The following NXN variants were observed in gnomAD, a reference collection of about 807,000 sequenced individuals.
NXN encodes the protein nucleoredoxin.
Under a neutral mutation model 48.6 loss-of-function variants are expected in NXN, and 16 were observed. The observed-to-expected ratio is 0.33, with a 90% CI of 0.22 to 0.50. NXN has a LOEUF of 0.50. NXN is among the 20% of genes least tolerant of loss of function. The pLI, the probability that NXN is intolerant of heterozygous loss-of-function variation, is 0.98. For synonymous variants in NXN, 281 were observed against 269.6 expected, an observed-to-expected ratio of 1.04 and a Z score of -0.41; for missense variants, 492 against 605.5, an observed-to-expected ratio of 0.81 and a Z score of 1.97.
At chr17:837,817 G>A (rs747714381) in intron 1 of NXN, among the ~76,000 whole-genome samples, 63 of 152,190 alleles carry the variant, frequency 4.1e-4, no homozygotes, top group African/African-American at 8.9e-4. Flanking sequence ...GATCCGAGCC[G>A]TCACCAACCT....
At chr17:971,929 G>C (rs1328292395) in intron 1 of NXN, among the ~76,000 whole-genome samples, 1 of 152,118 alleles carries the variant, frequency 6.6e-6, no homozygotes, top group African/African-American at 2.4e-5. Flanking sequence ...CACTTTGGAA[G>C]CCGAGGCGGG....
chr17:807,476 C>T (rs983330262), intron 5 of NXN, among the ~76,000 whole-genome samples: 4 of 152,204 alleles, frequency 2.6e-5, no homozygotes, highest in Non-Finnish European at 4.4e-5. Context: ...GCGCCTGGGG[C>T]TCTCCGAGGG....
intron 5 of NXN, among the ~76,000 whole-genome samples, chr17:809,215 A>G (rs895661724): frequency 6.6e-6 from 1 of 151,886 alleles, no homozygotes; most frequent in Admixed American, 6.6e-5. Flanking sequence ...CCCAAGCTAC[A>G]CTCCTGGGCT....
intron 1 of NXN, among the ~76,000 whole-genome samples, chr17:913,669 G>A (rs983716648): frequency 4.8e-5 from 7 of 147,232 alleles, no homozygotes; most frequent in Admixed American, 1.3e-4. Flanking sequence ...CTACCCCCAC[G>A]TCCCCAGGCA....
chr17:815,752 TA>T (rs1912437210), intron 5 of NXN, among the ~76,000 whole-genome samples: 2 of 152,348 alleles, frequency 1.3e-5, no homozygotes, highest in East Asian at 1.9e-4. Context: ...TTATTCAAGA[TA>T]AAAACGTTCT....
At chr17:861,777 T>C (rs1597671940) in intron 1 of NXN, among the ~76,000 whole-genome samples, 2 of 152,040 alleles carry the variant, frequency 1.3e-5, no homozygotes, top group Non-Finnish European at 2.9e-5. Flanking sequence ...TTTTAATCCA[T>C]GAGTCTGAAA....
chr17:963,815 C>T lies in NXN; in HGVS notation c.360+15504G>A, dbSNP rs142598232. ...ATGCTGGGCCGGGCGCGGTGGCTCA[C>T]GCCTGTCATCCCAGCACTTTGGGAG... On this transcript the variant is annotated intron_variant, in intron 1 of 7. Transcript: ENST00000336868. Among the ~76,000 whole-genome samples the T allele has an allele frequency of 1.9e-3, 289 of 152,276 alleles. 1 individual carries two copies. Among genetic ancestry groups the T allele is most frequent in the African/African-American group, 6.6e-3 (276 of 41,550 alleles).
chr17:838,513 C>A (rs1913956003), intron 1 of NXN, among the ~76,000 whole-genome samples: 1 of 152,204 alleles, frequency 6.6e-6, no homozygotes, highest in South Asian at 2.1e-4. Context: ...CTGTGACTTA[C>A]AACACTCTAA....
intron 1 of NXN, among the ~76,000 whole-genome samples, chr17:963,200 T>G (rs919606256): frequency 7.7e-6 from 1 of 129,882 alleles, no homozygotes; most frequent in Non-Finnish European, 1.5e-5. Context: ...AAAAAAGGTA[T>G]AGGTACTGGG....
At chr17:808,157 G>A (rs1054083226) in intron 5 of NXN, among the ~76,000 whole-genome samples, 8 of 152,116 alleles carry the variant, frequency 5.3e-5, no homozygotes, top group Admixed American at 5.2e-4. Flanking sequence ...AACCAGGGCG[G>A]GGAAGTCCTG....
At chr17:916,859 T>C (rs1454451000) in intron 1 of NXN, among the ~76,000 whole-genome samples, 1 of 152,042 alleles carries the variant, frequency 6.6e-6, no homozygotes, top group East Asian at 1.9e-4. Context: ...GGTTATGCCA[T>C]TGCACTCCGG....
In NXN at chr17:962,935, T is replaced by A. The variant is rs1481922276; in HGVS notation, c.360+16384A>T. Among the ~76,000 whole-genome samples the A allele has an allele frequency of 2.6e-5, 4 of 152,136 alleles. No individual in the cohort carries two copies. The East Asian group carries it at 7.7e-4, about 29-fold the overall frequency. ...GACGGGGAAGCGGCTTTCAAAGGCC[T>A]CCTTTCGCCTGTTGTACACAGGGAG... On this transcript the variant is annotated intron_variant, in intron 1 of 7. Coordinates refer to ENST00000336868, the MANE Select transcript of NXN (RefSeq NM_022463.5).
chr17:927,632 C>A (rs1168119395), intron 1 of NXN, among the ~76,000 whole-genome samples: 1 of 147,538 alleles, frequency 6.8e-6, no homozygotes, highest in Non-Finnish European at 1.5e-5. Flanking sequence ...GCAGGAGGAG[C>A]AGAAGGAGGC....
rs1392247896 is a variant in NXN at position 849,001 on chromosome 17, C to T, written c.361-22923G>A. 6.6e-6 allele frequency among the ~76,000 whole-genome samples: 1 copy of T among 152,172 alleles called. No homozygotes were observed. The highest frequency in any genetic ancestry group is 2.1e-4 in the South Asian group (1 of 4,830). On this transcript the variant is annotated intron_variant, in intron 1 of 7. Transcript: ENST00000336868. The surrounding 1 kb of genome is among the most constrained non-coding windows in gnomAD (Gnocchi z 4.2). ...AAACCTACCAGGCATTTGTGCCAGACGGTATGGGGTCAGATCAAGACAAAG... is the reference window on the plus strand; with the variant it reads ...AAACCTACCAGGCATTTGTGCCAGATGGTATGGGGTCAGATCAAGACAAAG...
rs756499448 is a variant in NXN at position 822,482 on chromosome 17, G to A, written c.613-25C>T. ...ACTGAAAGACAGGACAGCAAGACCC[G>A]CTGCGTCACGCTGCTTCTCCACCTC... On this transcript the variant is annotated intron_variant, in intron 3 of 7. Coordinates refer to ENST00000336868, the MANE Select transcript of NXN (RefSeq NM_022463.5). The A allele has an allele frequency of 2.4e-5, 37 of 1,525,874 alleles. 2 individuals are homozygous for A. In the Middle Eastern group the frequency reaches 8.5e-4, roughly 35 times the overall value. The allele number at this position is 1,525,874 out of a possible 1,614,324, so 94.5% of individuals were successfully genotyped here. A position where few individuals can be genotyped will look rare whatever the true frequency, so the allele number is the denominator to read the frequency against.
intron 1 of NXN, among the ~76,000 whole-genome samples, chr17:880,324 C>T (rs1206520589): frequency 6.6e-6 from 1 of 151,686 alleles, no homozygotes; most frequent in Non-Finnish European, 1.5e-5. Flanking sequence ...GAACTAAATA[C>T]CTTGGATTAA....
intron 1 of NXN, among the ~76,000 whole-genome samples, chr17:962,473 G>T (rs554882002): frequency 2.6e-5 from 4 of 152,208 alleles, no homozygotes; most frequent in African/African-American, 7.2e-5. Flanking sequence ...TTCGAGACCA[G>T]CCTGGACAAC....
chr17:943,694 C>G (rs138798560), intron 1 of NXN, among the ~76,000 whole-genome samples: 1 of 151,508 alleles, frequency 6.6e-6, no homozygotes, highest in Non-Finnish European at 1.5e-5. Flanking sequence ...TGGTGATGCA[C>G]GCCTGTAATC....
rs540885019 is a variant in NXN at position 953,670 on chromosome 17, C to G, written c.360+25649G>C. Among the ~76,000 whole-genome samples, 20 of 152,334 alleles carry G rather than the reference C, an allele frequency of 1.3e-4. 1 individual carries two copies. The South Asian group carries it at 3.7e-3, about 28-fold the overall frequency. ...ATTCACACTCCCTTCTCTAAGGAGT[C>G]CAGAGTGAGACAGAGGCTCGTATCT... On this transcript the variant is annotated intron_variant, in intron 1 of 7. Coordinates refer to ENST00000336868, the MANE Select transcript of NXN (RefSeq NM_022463.5).
Sources: allele counts gnomAD v4.1 joint callset (sites outside exome capture counted in the v4.1 genomes callset), GRCh38; gene constraint gnomAD v4.1.1; non-coding constraint Gnocchi (gnomAD v3.1); transcripts MANE v1.5; gene names NCBI Gene and HGNC (gene_info 2026-07-23, HGNC 2026-07-21).